The following ANKRD33B variants were observed in gnomAD, a reference collection of about 807,000 sequenced individuals.
ANKRD33B encodes ankyrin repeat domain-containing protein 33B.
Under a neutral mutation model 21.5 loss-of-function variants are expected in ANKRD33B, and 6 were observed. The observed-to-expected ratio is 0.28, with a 90% confidence interval of 0.15 to 0.55. ANKRD33B has a LOEUF of 0.55. Among genes scored for constraint, ANKRD33B ranks in the 20% least tolerant of loss-of-function variants. The pLI is 0.94. For missense variants in ANKRD33B, 698 were observed against 747.2 expected, an observed-to-expected ratio of 0.93 and a Z score of 0.77; for synonymous variants, 347 against 342.4, an observed-to-expected ratio of 1.01 and a Z score of -0.15.
chr5:10,641,327 C>T (rs1737055877), intron 3 of ANKRD33B, among the ~76,000 whole-genome samples: 1 of 148,472 alleles, frequency 6.7e-6, no homozygotes, highest in Non-Finnish European at 1.5e-5. Context: ...CTCCCGGGTT[C>T]AAGCGATTCT....
At chr5:10,637,472 G>C (rs59805784) in intron 2 of ANKRD33B, among the ~76,000 whole-genome samples, 7 of 112,896 alleles carry the variant, frequency 6.2e-5, no homozygotes, top group South Asian at 6.0e-4. Context: ...ACGGCGGCGG[G>C]GGGAGGGGTG....
chr5:10,636,847 G>A (rs1049532142), intron 2 of ANKRD33B, among the ~76,000 whole-genome samples: 2 of 152,344 alleles, frequency 1.3e-5, no homozygotes, highest in Admixed American at 6.5e-5. Flanking sequence ...GGGGACAGTG[G>A]TTCTCACCTG....
intron 1 of ANKRD33B, among the ~76,000 whole-genome samples, chr5:10,568,322 T>C (rs1469800268): frequency 2.6e-5 from 4 of 152,254 alleles, no homozygotes; most frequent in African/African-American, 7.2e-5. Flanking sequence ...ATAATTCTTT[T>C]TCTTAATTCT....
At chr5:10,594,045 G>A (rs1488831302) in intron 1 of ANKRD33B, among the ~76,000 whole-genome samples, 4 of 152,176 alleles carry the variant, frequency 2.6e-5, no homozygotes, top group African/African-American at 7.2e-5. Context: ...GTCAGCTCAC[G>A]GGGATTTTCT....
chr5:10,564,474 C>T lies in ANKRD33B; in HGVS notation c.7C>T (p.Leu3=). Residue 3 remains leucine, a synonymous_variant, in exon 1 of 4, where the codon CTG becomes TTG. Transcript: ENST00000296657. MV[L]LAGTGPEGGG... ...CCGCGCCCCGGCCGCCGGCATGGTG[C>T]TGCTGGCCGGGACCGGGCCGGAGGG... The T allele has an allele frequency of 7.1e-7, 1 of 1,403,320 alleles. No individual in the cohort carries two copies. 86.9% of individuals were successfully genotyped at this position (1,403,320 alleles called of 1,614,324 possible). A position where few individuals can be genotyped will look rare whatever the true frequency, so the allele number is the denominator to read the frequency against.
rs1737453897 is a variant in ANKRD33B, at chr5:10,655,165, C to T, written c.*5052C>T. On this transcript the variant is annotated 3_prime_UTR_variant, in exon 4 of 4. Transcript: ENST00000296657. The stretch of plus-strand genomic sequence containing the variant: ...GATGCAGGAGGGCCGTGCTAGGCCC[C>T]TCTGCCCGCTTCTCTCCCTGCTGTT... 6.6e-6 allele frequency: 1 copy of T among 152,384 alleles called. No homozygotes were observed. The highest frequency in any genetic ancestry group is 2.4e-5 in the African/African-American group (1 of 41,450). 9.4% of individuals were successfully genotyped at this position (152,384 alleles called of 1,614,324 possible).
At position 10,636,947 on chromosome 5, in the gene ANKRD33B, C is replaced by T. The variant is rs13359348; in HGVS notation, c.497-1081C>T. Among the ~76,000 whole-genome samples, 194 of 152,324 alleles carry T rather than the reference C, an allele frequency of 1.3e-3. 1 individual carries two copies. Among genetic ancestry groups the T allele is most frequent in the African/African-American group, 4.3e-3 (180 of 41,572 alleles). ...TATGCGGGAGTGGGGGTGGTTGCTA[C>T]TGGCATCTATCGGGTAGAGACCAGG... is the stretch of plus-strand genomic sequence containing the variant. On this transcript the variant is annotated intron_variant, in intron 2 of 3. Coordinates refer to ENST00000296657, the MANE Select transcript of ANKRD33B (RefSeq NM_001164440.2).
intron 1 of ANKRD33B, among the ~76,000 whole-genome samples, chr5:10,586,485 CTGTGTGTGTGTG>C (rs55940283): frequency 0.03 from 4,157 of 140,436 alleles, 106 homozygotes; most frequent in Admixed American, 0.087. Context: ...GTTCTTGTAA[CTGTGTGTGTGTG>C]TGTGTGTGTG....
intron 1 of ANKRD33B, among the ~76,000 whole-genome samples, chr5:10,566,920 T>A (rs1735076537): frequency 1.3e-5 from 2 of 152,264 alleles, no homozygotes; most frequent in Admixed American, 6.5e-5. Context: ...TGTTTCTCAT[T>A]CGTCTGCCTT....
At chr5:10,607,124 A>G (rs1736062276) in intron 1 of ANKRD33B, among the ~76,000 whole-genome samples, 1 of 152,214 alleles carries the variant, frequency 6.6e-6, no homozygotes, top group Non-Finnish European at 1.5e-5. Context: ...AAAGTAGGCA[A>G]CCTGACACAT....
chr5:10,580,232 G>A (rs1239881925), intron 1 of ANKRD33B, among the ~76,000 whole-genome samples: 1 of 152,210 alleles, frequency 6.6e-6, no homozygotes, highest in Admixed American at 6.5e-5. Flanking sequence ...GGAGGATGAG[G>A]GGCTGAGTCT....
chr5:10,635,387 G>A (rs1244970175), intron 2 of ANKRD33B, among the ~76,000 whole-genome samples: 1 of 152,132 alleles, frequency 6.6e-6, no homozygotes, highest in South Asian at 2.1e-4. Context: ...AGCAGCTCTG[G>A]GTACCTGACA....
chr5:10,643,819 CAAAAA>C (rs374365829), intron 3 of ANKRD33B, among the ~76,000 whole-genome samples: 6 of 89,584 alleles, frequency 6.7e-5, no homozygotes, highest in South Asian at 7.1e-4. Context: ...GACTCTGTCT[CAAAAA>C]AAAAAAAAAA....
intron 1 of ANKRD33B, among the ~76,000 whole-genome samples, chr5:10,591,432 G>T (rs1735688363): frequency 6.6e-6 from 1 of 152,034 alleles, no homozygotes; most frequent in Non-Finnish European, 1.5e-5. Flanking sequence ...CTGACCTCTT[G>T]ATCTGCCACC....
chr5:10,575,370 GA>G (rs2126547809), intron 1 of ANKRD33B, among the ~76,000 whole-genome samples: 1 of 151,066 alleles, frequency 6.6e-6, no homozygotes, highest in South Asian at 2.1e-4. Context: ...AGGTTGCAGT[GA>G]GCCGAGATCG....
chr5:10,616,935 G>A (rs1736296909), intron 1 of ANKRD33B, among the ~76,000 whole-genome samples: 1 of 152,218 alleles, frequency 6.6e-6, no homozygotes, highest in African/African-American at 2.4e-5. Context: ...AGTTCTGGAG[G>A]CTGGAAGCCC....
intron 1 of ANKRD33B, among the ~76,000 whole-genome samples, chr5:10,583,291 C>T (rs965677013): frequency 3.9e-5 from 6 of 152,212 alleles, no homozygotes; most frequent in African/African-American, 7.2e-5. Context: ...CGAGCCACCG[C>T]GCCCGACCTG....
chr5:10,566,289 G>A (rs1332736255), intron 1 of ANKRD33B, among the ~76,000 whole-genome samples: 2 of 152,196 alleles, frequency 1.3e-5, no homozygotes, highest in African/African-American at 4.8e-5. Flanking sequence ...CAGCCCTGGC[G>A]ACAGATGCCC....
intron 1 of ANKRD33B, among the ~76,000 whole-genome samples, chr5:10,579,539 C>A (rs2126551255): frequency 6.6e-6 from 1 of 152,192 alleles, no homozygotes; most frequent in East Asian, 1.9e-4. Context: ...TTGAAAAAGT[C>A]ACTTTCACTC....
Sources: gnomAD v4.1 joint callset for allele counts (sites outside exome capture counted in the v4.1 genomes callset) on GRCh38, gnomAD v4.1.1 for gene constraint, MANE v1.5 for transcripts, NCBI Gene and HGNC (gene_info 2026-07-23, HGNC 2026-07-21) for gene names.